The following SMAD4 variants were observed in gnomAD, a reference collection of about 807,000 sequenced individuals.
SMAD4 encodes SMAD family member 4.
Under a neutral mutation model 63.2 loss-of-function variants are expected in SMAD4, and 7 were observed. The ratio of observed to expected loss-of-function variants is 0.11; its 90% CI spans 0.06 to 0.21. SMAD4 has a LOEUF of 0.21. Among genes scored for constraint, SMAD4 ranks in the 10% least tolerant of loss-of-function variants. The pLI is 1.00. For synonymous variants in SMAD4, 215 were observed against 235.4 expected, an observed-to-expected ratio of 0.91 and a Z score of 0.79; for missense variants, 312 against 693.8, an observed-to-expected ratio of 0.45 and a Z score of 6.18.
chr18:51,046,963 C>T lies in SMAD4; in HGVS notation c.-84C>T, dbSNP rs1029971658. On this transcript the variant is annotated 5_prime_UTR_variant, in exon 2 of 12. Coordinates refer to ENST00000342988, the MANE Select transcript of SMAD4 (RefSeq NM_005359.6). ...CTAACAATTTTCCTTGCAACGTTAG[C>T]TGTTGTTTTTCACTGTTTCCAAAGG... 2 of 1,237,616 alleles carry T rather than the reference C, an allele frequency of 1.6e-6. No individual in the cohort carries two copies. The highest frequency in any genetic ancestry group is 2.5e-5 in the South Asian group (2 of 81,294). The allele number at this position is 1,237,616 out of a possible 1,614,324, so 76.7% of individuals were successfully genotyped here.
At chr18:51,054,719 GAT>G in intron 4 of SMAD4, 60 bp from the exon 5 acceptor site, 1 of 1,158,906 alleles carries the variant, frequency 8.6e-7, no homozygotes, top group Non-Finnish European at 1.3e-6. Flanking sequence ...TTGCTAATAA[GAT>G]TTTTTTTTCT....
In SMAD4 at chr18:51,084,814, A is replaced by ACTGTTTCCT. The variant is rs1184006690; in HGVS notation, c.*6349_*6357dup. 1 of 229,556 alleles carries ACTGTTTCCT rather than the reference A, an allele frequency of 4.4e-6. No individual in the cohort carries two copies. The highest frequency in any genetic ancestry group is 8.6e-6 in the Non-Finnish European group (1 of 115,820). The allele number at this position is 229,556 out of a possible 1,614,324, so 14.2% of individuals were successfully genotyped here. A position where few individuals can be genotyped will look rare whatever the true frequency, so the allele number is the denominator to read the frequency against. On this transcript the variant is annotated 3_prime_UTR_variant, in exon 12 of 12. Transcript: ENST00000342988. Reference sequence around the variant, plus strand: ...ACAGATTTGGTGGTGGTATTTCCCAACTGTTTCCTCCCCTAAATTCAGAGG... The same window carrying ACTGTTTCCT: ...ACAGATTTGGTGGTGGTATTTCCCAACTGTTTCCTCTGTTTCCTCCCCTAAATTCAGAGG...
intron 1 of SMAD4, among the ~76,000 whole-genome samples, chr18:51,034,834 C>T (rs1909158196): frequency 6.6e-6 from 1 of 152,190 alleles, no homozygotes; most frequent in Non-Finnish European, 1.5e-5. Flanking sequence ...GCATGAGCCA[C>T]CACGCCTGGC....
chr18:51,041,128 A>G (rs1325023284), intron 1 of SMAD4, among the ~76,000 whole-genome samples: 4 of 151,956 alleles, frequency 2.6e-5, no homozygotes, highest in African/African-American at 2.4e-5. Flanking sequence ...ATTGTTTCCT[A>G]ACTGGTTTTC....
intron 10 of SMAD4, among the ~76,000 whole-genome samples, chr18:51,071,237 T>C (rs1450344427): frequency 1.3e-5 from 2 of 151,938 alleles, no homozygotes; most frequent in Admixed American, 1.3e-4. Flanking sequence ...GTGCCCACAC[T>C]TTGAGTACAC....
chr18:51,050,396 A>G (rs1312659571), intron 4 of SMAD4, among the ~76,000 whole-genome samples: 1 of 151,028 alleles, frequency 6.6e-6, no homozygotes, highest in Non-Finnish European at 1.5e-5. Context: ...ACGGTGGCTC[A>G]CTCCTGTAAT....
At position 51,058,309 on chromosome 18, in the gene SMAD4, C is replaced by T. The variant is rs1342126153; in HGVS notation, c.788-31C>T. 14 of 1,610,172 alleles carry T rather than the reference C, an allele frequency of 8.7e-6. No individual in the cohort carries two copies. The highest frequency in any genetic ancestry group is 1.1e-5 in the Non-Finnish European group (13 of 1,177,380). ...AAAAAGTAGGCAGCCTTTATAAAAGCAAATTAACCCATGTGGGCCTTAATT... is the reference window on the plus strand; with the variant it reads ...AAAAAGTAGGCAGCCTTTATAAAAGTAAATTAACCCATGTGGGCCTTAATT... On this transcript the variant is annotated intron_variant, in intron 6 of 11. Coordinates refer to ENST00000342988, the MANE Select transcript of SMAD4 (RefSeq NM_005359.6).
At chr18:51,056,788 T>C (rs994396935) in intron 5 of SMAD4, among the ~76,000 whole-genome samples, 20 of 152,182 alleles carry the variant, frequency 1.3e-4, no homozygotes, top group African/African-American at 4.1e-4. Context: ...AAGGGAAGTA[T>C]TCAGTATGGA....
In SMAD4 at chr18:51,082,012, C is replaced by CT. The variant is rs890405260; in HGVS notation, c.*3546dup. ...CTTTTGGGAGAAGCAGTTTTATTCTCTGAGTGGAACAGAGTTCTTTTTGTT... is the reference window on the plus strand; with the variant it reads ...CTTTTGGGAGAAGCAGTTTTATTCTCTTGAGTGGAACAGAGTTCTTTTTGTT... On this transcript the variant is annotated 3_prime_UTR_variant, in exon 12 of 12. Transcript: ENST00000342988. The CT allele has an allele frequency of 1.3e-5, 3 of 231,628 alleles. No homozygotes were observed. The highest frequency in any genetic ancestry group is 5.6e-5 in the Admixed American group (1 of 17,724). 14.3% of individuals were successfully genotyped at this position (231,628 alleles called of 1,614,324 possible). A position where few individuals can be genotyped will look rare whatever the true frequency, so the allele number is the denominator to read the frequency against.
At chr18:51,057,407 C>T (rs1191617981) in intron 5 of SMAD4, among the ~76,000 whole-genome samples, 1 of 152,024 alleles carries the variant, frequency 6.6e-6, no homozygotes, top group African/African-American at 2.4e-5. Flanking sequence ...AAGCTTGATT[C>T]TCTTGGTATA....
In SMAD4 at chr18:51,077,504, T is replaced by C; in HGVS notation, c.1447+728T>C. ...ATGCAAATTCCTCCCATTAGTTTCATTGTAATATTGATGAATGCAGATGGA... is the reference window on the plus strand; with the variant it reads ...ATGCAAATTCCTCCCATTAGTTTCACTGTAATATTGATGAATGCAGATGGA... On this transcript the variant is annotated intron_variant, in intron 11 of 11. Coordinates refer to ENST00000342988, the MANE Select transcript of SMAD4 (RefSeq NM_005359.6). 2 of 330,248 alleles carry C rather than the reference T, an allele frequency of 6.1e-6. 1 individual carries two copies. Among genetic ancestry groups the C allele is most frequent in the South Asian group, 2.4e-4 (2 of 8,386 alleles). 20.5% of individuals were successfully genotyped at this position (330,248 alleles called of 1,614,324 possible). A position where few individuals can be genotyped will look rare whatever the true frequency, so the allele number is the denominator to read the frequency against.
At chr18:51,076,387 A>T (rs1910471375) in intron 10 of SMAD4, among the ~76,000 whole-genome samples, 1 of 152,216 alleles carries the variant, frequency 6.6e-6, no homozygotes, top group South Asian at 2.1e-4. Flanking sequence ...TTCGAACTAG[A>T]TAAAAGATAC....
At chr18:51,065,851 A>T (rs1469018064) in intron 9 of SMAD4, among the ~76,000 whole-genome samples, 1 of 152,188 alleles carries the variant, frequency 6.6e-6, no homozygotes, top group Non-Finnish European at 1.5e-5. Flanking sequence ...TTCGAATAGT[A>T]AGTATACCTT....
At chr18:51,038,247 A>G (rs1422173082) in intron 1 of SMAD4, among the ~76,000 whole-genome samples, 1 of 87,280 alleles carries the variant, frequency 1.1e-5, no homozygotes, top group Non-Finnish European at 2.3e-5. Context: ...ACAGAGCGAG[A>G]CTGTGGGGGG....
chr18:51,071,017 C>T (rs1910301491), intron 10 of SMAD4, among the ~76,000 whole-genome samples: 1 of 152,128 alleles, frequency 6.6e-6, no homozygotes, highest in East Asian at 1.9e-4. Flanking sequence ...ACAGTACTAT[C>T]TAAAGTTTCA....
intron 1 of SMAD4, among the ~76,000 whole-genome samples, chr18:51,041,065 C>T (rs1425208444): frequency 6.6e-6 from 1 of 152,174 alleles, no homozygotes; most frequent in East Asian, 1.9e-4. Flanking sequence ...TCCCCCTCCC[C>T]TCCTTGGCCC....
chr18:51,050,885 T>C (rs535247826), intron 4 of SMAD4, among the ~76,000 whole-genome samples: 59 of 152,100 alleles, frequency 3.9e-4, no homozygotes, highest in African/African-American at 1.4e-3. Flanking sequence ...CACTGCCTTG[T>C]GGTGCTTGTT....
At chr18:51,075,804 C>T (rs780687972) in intron 10 of SMAD4, among the ~76,000 whole-genome samples, 3 of 152,010 alleles carry the variant, frequency 2.0e-5, no homozygotes, top group Admixed American at 6.6e-5. Flanking sequence ...TAAATGACTA[C>T]GGGGGAGGCT....
intron 1 of SMAD4, among the ~76,000 whole-genome samples, chr18:51,046,240 G>A (rs1909537960): frequency 6.6e-6 from 1 of 152,004 alleles, no homozygotes. Context: ...AAGGAGTGAG[G>A]GTCCAATTTC....
Sources: allele counts gnomAD v4.1 joint callset (sites outside exome capture counted in the v4.1 genomes callset), GRCh38; gene constraint gnomAD v4.1.1; transcripts MANE v1.5; gene names NCBI Gene and HGNC (gene_info 2026-07-23, HGNC 2026-07-21).